CEP164: variants seen among roughly 807,000 people sequenced by gnomAD.
CEP164 encodes the protein centrosomal protein of 164 kDa.
In CEP164, 162 loss-of-function variants were observed where a neutral mutation model predicts 182.7. That is an observed-to-expected ratio of 0.89 (90% CI 0.78 to 1.01). The LOEUF (loss-of-function observed/expected upper bound fraction) is 1.01. CEP164 is among the 50% of genes least tolerant of loss of function. The pLI is 0.00. For synonymous variants in CEP164, 661 were observed against 690.0 expected (o/e 0.96, Z 0.66); for missense variants, 1,735 against 1,790.4 (o/e 0.97, Z 0.56).
At chr11:117,325,467 C>T (rs940472722), upstream of CEP164, among the ~76,000 whole-genome samples, 11 of 151,974 alleles carry the variant, frequency 7.2e-5, no homozygotes, top group African/African-American at 2.7e-4. Context: ...CTCACTGCAA[C>T]CTCCACCTCC....
intron 5 of CEP164, chr11:117,356,187 T>C (rs2040274925): frequency 9.4e-7 from 1 of 1,064,890 alleles, no homozygotes; most frequent in Non-Finnish European, 1.1e-6. Flanking sequence ...ATGTCCCACA[T>C]GCAGAGCCCT....
chr11:117,395,506 G>A (rs757017556), intron 23 of CEP164, 41 bp from the exon 24 acceptor site: 1 of 1,570,608 alleles, frequency 6.4e-7, no homozygotes, highest in Non-Finnish European at 8.6e-7. Flanking sequence ...GCTTCTCTCT[G>A]TGCTGTCTCT....
In CEP164 at chr11:117,413,010, C is replaced by T. The variant is rs754135561; in HGVS notation, c.*842C>T. 1 of 152,220 alleles carries T rather than the reference C, an allele frequency of 6.6e-6. No individual in the cohort carries two copies. Among genetic ancestry groups the T allele is most frequent in the African/African-American group, 2.4e-5 (1 of 41,450 alleles). The allele number at this position is 152,220 out of a possible 1,614,324, so 9.4% of individuals were successfully genotyped here. A position where few individuals can be genotyped will look rare whatever the true frequency, so the allele number is the denominator to read the frequency against. ...TGGGTATATTCATGGGCATTGTTTC[C>T]ATCTGTCTTTTCTACCTGTGCCACC... On this transcript the variant is annotated 3_prime_UTR_variant, in exon 33 of 33. Coordinates refer to ENST00000278935, the MANE Select transcript of CEP164 (RefSeq NM_014956.5).
chr11:117,412,542 C>A lies in CEP164; in HGVS notation c.*374C>A. 1 of 197,994 alleles carries A rather than the reference C, an allele frequency of 5.1e-6. No homozygotes were observed. The highest frequency in any genetic ancestry group is 1.1e-5 in the Non-Finnish European group (1 of 94,906). 12.3% of individuals were successfully genotyped at this position (197,994 alleles called of 1,614,324 possible). A position where few individuals can be genotyped will look rare whatever the true frequency, so the allele number is the denominator to read the frequency against. On this transcript the variant is annotated 3_prime_UTR_variant, in exon 33 of 33. Transcript: ENST00000278935. Reference sequence around the variant, plus strand: ...TTCCTTGGCCCTGCAGCGCACTGCTCGGGGCTCCCAAGGAGGTTGTGTGTA... The same window carrying A: ...TTCCTTGGCCCTGCAGCGCACTGCTAGGGGCTCCCAAGGAGGTTGTGTGTA...
intron 10 of CEP164, among the ~76,000 whole-genome samples, chr11:117,374,780 G>A (rs573278282): frequency 2.6e-5 from 4 of 152,328 alleles, no homozygotes; most frequent in African/African-American, 4.8e-5. Flanking sequence ...GCCCATCAGC[G>A]TTTTTCTTCT....
intron 12 of CEP164, among the ~76,000 whole-genome samples, chr11:117,381,368 C>T (rs984701097): frequency 6.6e-5 from 10 of 152,192 alleles, no homozygotes; most frequent in Non-Finnish European, 8.8e-5. Context: ...AGTTCTTCCA[C>T]CCCTCCCTGG....
chr11:117,332,857 T>C (rs1198196848), intron 1 of CEP164, among the ~76,000 whole-genome samples: 1 of 152,218 alleles, frequency 6.6e-6, no homozygotes, highest in East Asian at 1.9e-4. Context: ...ATCTCATCTA[T>C]TGGTAACTGC....
chr11:117,365,189 G>A (rs2041480311), intron 8 of CEP164, among the ~76,000 whole-genome samples: 1 of 152,224 alleles, frequency 6.6e-6, no homozygotes, highest in Non-Finnish European at 1.5e-5. Context: ...CAATCTCTAT[G>A]AGAATGAGCA....
intron 5 of CEP164, among the ~76,000 whole-genome samples, chr11:117,361,537 G>T (rs1370171815): frequency 1.3e-5 from 2 of 152,042 alleles, no homozygotes; most frequent in African/African-American, 2.4e-5. Flanking sequence ...ACCGAGCCCG[G>T]CCTCCTATAT....
intron 27 of CEP164, among the ~76,000 whole-genome samples, chr11:117,401,532 A>G (rs1056717138): frequency 4.6e-5 from 7 of 152,066 alleles, no homozygotes; most frequent in African/African-American, 1.7e-4. Context: ...TATTGTTTGG[A>G]GTAGTTTCAG....
intron 8 of CEP164, among the ~76,000 whole-genome samples, chr11:117,370,031 T>G (rs926560782): frequency 2.0e-5 from 3 of 152,252 alleles, no homozygotes; most frequent in Non-Finnish European, 4.4e-5. Context: ...GAGCCATTTC[T>G]GCAGATATGG....
intron 2 of CEP164, among the ~76,000 whole-genome samples, chr11:117,337,434 G>A (rs2037342122): frequency 6.6e-6 from 1 of 151,532 alleles, no homozygotes; most frequent in East Asian, 1.9e-4. Context: ...CTTACTTTGA[G>A]AGGCTGAGGC....
At chr11:117,373,638 A>G in intron 9 of CEP164, 113 bp from the exon 10 acceptor site, 2 of 838,994 alleles carry the variant, frequency 2.4e-6, no homozygotes, top group Non-Finnish European at 3.9e-6. Flanking sequence ...AGTGGATTTC[A>G]GTTTGACCTG....
At chr11:117,349,571 G>T (rs1226630811) in intron 4 of CEP164, among the ~76,000 whole-genome samples, 1 of 152,052 alleles carries the variant, frequency 6.6e-6, no homozygotes. Flanking sequence ...CTGCAGCCTC[G>T]AACAGCTGGG....
Position 117,391,010 on chromosome 11 carries a change from A to C in CEP164, c.2078A>C (p.Glu693Ala). ...ADEDQIRAEQ[E>A]ASLQKLREEL... Reference sequence around the variant, plus strand: ...CTGTGTCCACCCAGGGCTGAGCAAGAGGCTTCCCTGCAGAAACTGAGAGAA... The same window carrying C: ...CTGTGTCCACCCAGGGCTGAGCAAGCGGCTTCCCTGCAGAAACTGAGAGAA... Residue 693 changes from glutamate (E) to alanine (A), a missense_variant, in exon 17 of 33, where the codon GAG becomes GCG. Coordinates refer to ENST00000278935, the MANE Select transcript of CEP164 (RefSeq NM_014956.5). 6.2e-7 allele frequency: 1 copy of C among 1,614,180 alleles called. No individual in the cohort carries two copies. Among genetic ancestry groups the C allele is most frequent in the South Asian group, 1.1e-5 (1 of 91,084 alleles).
chr11:117,406,343 C>T (rs2046672018), intron 27 of CEP164, among the ~76,000 whole-genome samples: 1 of 152,148 alleles, frequency 6.6e-6, no homozygotes, highest in African/African-American at 2.4e-5. Context: ...TATTCACTAT[C>T]ACAAGAACAG....
chr11:117,373,693 G>A, intron 9 of CEP164, 58 bp from the exon 10 acceptor site: 1 of 1,470,700 alleles, frequency 6.8e-7, no homozygotes, highest in Non-Finnish European at 9.5e-7. Flanking sequence ...CCCTGGGTAG[G>A]GACCATGACT....
chr11:117,374,103 A>C (rs1354585745), intron 10 of CEP164, among the ~76,000 whole-genome samples: 1 of 152,028 alleles, frequency 6.6e-6, no homozygotes, highest in Non-Finnish European at 1.5e-5. Flanking sequence ...TAACATTAAA[A>C]TGTTAGCTAT....
In CEP164 at chr11:117,391,095, G is replaced by A. The variant is rs773344390; in HGVS notation, c.2163G>A (p.Met721Ile). ...GCTTGGAACAGAAAAATAGGCAAAT[G>A]CTGGAGCAGCTCAAGGAAGAGATAG... ...RASLEQKNRQ[M>I]LEQLKEEIEA... Residue 721 changes from methionine (M) to isoleucine (I), a missense_variant, in exon 17 of 33, where the codon ATG (methionine) becomes ATA (isoleucine). Transcript: ENST00000278935. The A allele has an allele frequency of 6.2e-7, 1 of 1,614,114 alleles. No homozygotes were observed.
Sources: gnomAD v4.1 joint callset for allele counts (sites outside exome capture counted in the v4.1 genomes callset) on GRCh38, gnomAD v4.1.1 for gene constraint, MANE v1.5 for transcripts, NCBI Gene and HGNC (gene_info 2026-07-23, HGNC 2026-07-21) for gene names.